AGBL1: variants seen among roughly 807,000 people sequenced by gnomAD.
AGBL1 encodes the protein AGBL carboxypeptidase 1.
In AGBL1, 130 loss-of-function variants were observed where a neutral mutation model predicts 118.9. That is an observed-to-expected ratio of 1.09 (90% CI 0.95 to 1.26). AGBL1 has a LOEUF of 1.26. Among genes scored for constraint, AGBL1 ranks in the 50% most tolerant of loss-of-function variants. The pLI is 0.00. For synonymous variants in AGBL1, 555 were observed against 478.9 expected (o/e 1.16, Z -2.08); for missense variants, 1,584 against 1,298.1 (o/e 1.22, Z -3.38).
chr15:86,319,331 T>C (rs918218747), intron 17 of AGBL1, among the ~76,000 whole-genome samples: 117 of 152,368 alleles, frequency 7.7e-4, no homozygotes, highest in African/African-American at 2.7e-3. Context: ...GCTAACTTTC[T>C]GATTTTTGCC....
chr15:86,425,400 G>A (rs940060389), intron 18 of AGBL1, among the ~76,000 whole-genome samples: 16 of 151,828 alleles, frequency 1.1e-4, no homozygotes. Context: ...GGGGTGGGGG[G>A]CTAGGGGAGG....
intron 18 of AGBL1, among the ~76,000 whole-genome samples, chr15:86,496,008 C>CT (rs978008183): frequency 5.3e-5 from 8 of 151,420 alleles, no homozygotes; most frequent in South Asian, 2.1e-4. Flanking sequence ...CCTATTGAGT[C>CT]TTTTTTTTAA....
At chr15:86,108,027 T>C (rs148652140) in intron 1 of AGBL1, among the ~76,000 whole-genome samples, 108 of 152,342 alleles carry the variant, frequency 7.1e-4, no homozygotes, top group African/African-American at 2.4e-3. Flanking sequence ...CTGTACACCA[T>C]GTGAGGAGAG....
chr15:86,122,735 C>T (rs922706738), intron 1 of AGBL1, among the ~76,000 whole-genome samples: 9 of 152,218 alleles, frequency 5.9e-5, no homozygotes, highest in African/African-American at 2.2e-4. Flanking sequence ...CCTTAACCAA[C>T]TGAGTGGACC....
intron 22 of AGBL1, among the ~76,000 whole-genome samples, chr15:86,831,431 G>C (rs1182345328): frequency 1.3e-5 from 2 of 152,184 alleles, no homozygotes; most frequent in East Asian, 3.9e-4. Context: ...TCAAAAGCAA[G>C]TTAGTTACTT....
chr15:86,741,913 A>G (rs1461155110), intron 22 of AGBL1, among the ~76,000 whole-genome samples: 3 of 151,906 alleles, frequency 2.0e-5, no homozygotes, highest in African/African-American at 7.3e-5. Context: ...TATAAATGTT[A>G]ATTTCAGTTT....
chr15:86,715,814 T>G lies in AGBL1; in HGVS notation c.3158+41378T>G, dbSNP rs2086629190. Among the ~76,000 whole-genome samples, 7 of 152,202 alleles carry G rather than the reference T, an allele frequency of 4.6e-5. No homozygotes were observed. In the South Asian group the frequency reaches 1.5e-3, roughly 32 times the overall value. On this transcript the variant is annotated intron_variant, in intron 22 of 22. Coordinates refer to ENST00000614907, the MANE Select transcript of AGBL1 (RefSeq NM_001386094.1). ...TGGCTCACACCTGTAATCCCAGCAC[T>G]TTGGGAGGCTGAGGCGGGCGGATCA...
intron 24 of AGBL1, among the ~76,000 whole-genome samples, chr15:87,008,958 CAG>C (rs2081531352): frequency 6.6e-6 from 1 of 152,132 alleles, no homozygotes; most frequent in African/African-American, 2.4e-5. Flanking sequence ...AAAAGGGAAA[CAG>C]AGCATAAAAG....
intron 21 of AGBL1, among the ~76,000 whole-genome samples, chr15:86,651,907 G>A (rs546865238): frequency 6.6e-6 from 1 of 152,240 alleles, no homozygotes; most frequent in East Asian, 1.9e-4. Context: ...TCCCACATGT[G>A]GTTGCCCTAC....
At chr15:86,281,700 GGT>G (rs1183655881) in intron 16 of AGBL1, among the ~76,000 whole-genome samples, 2 of 152,146 alleles carry the variant, frequency 1.3e-5, no homozygotes, top group African/African-American at 4.8e-5. Flanking sequence ...CAGCCCTTGA[GGT>G]GTATTCCTGT....
intron 21 of AGBL1, among the ~76,000 whole-genome samples, chr15:86,580,828 G>A (rs1369779661): frequency 1.3e-5 from 2 of 152,034 alleles, no homozygotes; most frequent in African/African-American, 2.4e-5. Flanking sequence ...TATAATTTTG[G>A]AACCACTTAT....
chr15:86,295,409 G>T lies in AGBL1; in HGVS notation c.2374+1G>T. ...AGTGATGAGCATCTAGAGCAGTTCC[G>T]TGAGTAAAATGGGATCCTCTTCGTA... On this transcript the variant is annotated splice_donor_variant, in intron 17 of 22. Transcript: ENST00000614907. LOFTEE classifies it high-confidence loss of function. 6.4e-7 allele frequency: 1 copy of T among 1,556,892 alleles called. No individual in the cohort carries two copies. The highest frequency in any genetic ancestry group is 8.7e-7 in the Non-Finnish European group (1 of 1,154,270).
intron 22 of AGBL1, among the ~76,000 whole-genome samples, chr15:86,905,021 A>G (rs546198688): frequency 6.6e-6 from 1 of 152,346 alleles, no homozygotes; most frequent in Non-Finnish European, 1.5e-5. Flanking sequence ...TATTTAGAAA[A>G]TGGAAATTTC....
chr15:86,385,744 T>C (rs1274591054), intron 17 of AGBL1, among the ~76,000 whole-genome samples: 1 of 152,102 alleles, frequency 6.6e-6, no homozygotes, highest in East Asian at 1.9e-4. Flanking sequence ...AGACTCTCAA[T>C]GGTCACATAA....
rs2086512508 is a variant in AGBL1 at position 86,709,324 on chromosome 15, C to T, written c.3158+34888C>T. 3.8e-5 allele frequency among the ~76,000 whole-genome samples: 5 copies of T among 133,324 alleles called. No individual in the cohort carries two copies. The Admixed American group carries it at 4.0e-4, about 11-fold the overall frequency. 87.5% of individuals were successfully genotyped at this position (133,324 alleles called of 152,430 possible). A position where few individuals can be genotyped will look rare whatever the true frequency, so the allele number is the denominator to read the frequency against. On this transcript the variant is annotated intron_variant, in intron 22 of 22. Transcript: ENST00000614907. ...GGGTTGTGTGTTATTTCCTACTTGT[C>T]TTATGTTTAGGAGGAATTTTTCAAA...
intron 24 of AGBL1, among the ~76,000 whole-genome samples, chr15:87,005,919 A>T (rs2081495509): frequency 6.6e-6 from 1 of 152,172 alleles, no homozygotes; most frequent in Admixed American, 6.5e-5. Flanking sequence ...AACACTCAGG[A>T]CCCTCAGCTG....
chr15:86,804,479 A>C (rs1373979300), intron 22 of AGBL1, among the ~76,000 whole-genome samples: 2 of 152,144 alleles, frequency 1.3e-5, no homozygotes, highest in African/African-American at 4.8e-5. Context: ...GAAACACAAC[A>C]AAAAAACCCA....
At chr15:86,121,298 A>G (rs1898080860) in intron 1 of AGBL1, among the ~76,000 whole-genome samples, 1 of 152,246 alleles carries the variant, frequency 6.6e-6, no homozygotes, top group Admixed American at 6.5e-5. Context: ...ATTAAGAATA[A>G]CAACTATTAA....
chr15:86,681,521 C>A (rs1196402934), intron 22 of AGBL1, among the ~76,000 whole-genome samples: 2 of 152,146 alleles, frequency 1.3e-5, no homozygotes, highest in South Asian at 2.1e-4. Flanking sequence ...GCATTGGCCT[C>A]CTTGTACTTT....
Sources: gnomAD v4.1 joint callset for allele counts (sites outside exome capture counted in the v4.1 genomes callset) on GRCh38, gnomAD v4.1.1 for gene constraint, MANE v1.5 for transcripts, NCBI Gene and HGNC (gene_info 2026-07-23, HGNC 2026-07-21) for gene names.